MTMR9: variants seen among roughly 807,000 people sequenced by gnomAD.
MTMR9 encodes the protein myotubularin related protein 9, also known as myotubularin-related protein 9.
In MTMR9, 39 loss-of-function variants were observed where a neutral mutation model predicts 69.5. That is an observed-to-expected ratio of 0.56 (90% CI 0.43 to 0.73). MTMR9 has a LOEUF of 0.73. Among genes scored for constraint, MTMR9 ranks in the 30% least tolerant of loss-of-function variants. The pLI is 0.00. For missense variants in MTMR9, 900 were observed against 671.2 expected (o/e 1.34, Z -3.77); for synonymous variants, 354 against 240.8 (o/e 1.47, Z -4.35).
At chr8:11,313,592 A>C (rs910865950) in intron 6 of MTMR9, among the ~76,000 whole-genome samples, 1 of 152,172 alleles carries the variant, frequency 6.6e-6, no homozygotes, top group African/African-American at 2.4e-5. Context: ...CTTACAGGCC[A>C]TTGTAGGGTT....
chr8:11,331,752 C>T, downstream of MTMR9: 7 of 1,611,978 alleles, frequency 4.3e-6, no homozygotes, highest in Non-Finnish European at 5.9e-6. Flanking sequence ...TCTGCACTTT[C>T]CCTCCTGCCT....
At chr8:11,306,535 G>C (rs942457274) in intron 5 of MTMR9, 128 bp downstream of exon 5, 1 of 786,248 alleles carries the variant, frequency 1.3e-6, no homozygotes, top group African/African-American at 1.8e-5. Context: ...TGATGGGCTA[G>C]CCATCTTCTC....
At chr8:11,329,437 C>T (rs528253814), downstream of MTMR9, among the ~76,000 whole-genome samples, 1 of 152,368 alleles carries the variant, frequency 6.6e-6, no homozygotes, top group Admixed American at 6.5e-5. Flanking sequence ...CCTCAGCCTG[C>T]CGAGTGCCTG....
At chr8:11,338,582 G>A in the MTMR9 span, among the ~76,000 whole-genome samples, 1 of 152,240 alleles carries the variant, frequency 6.6e-6, no homozygotes, top group Non-Finnish European at 1.5e-5. Context: ...CTTTTCCACA[G>A]CGATCTGTGG....
rs1296327242 is a variant in MTMR9, at chr8:11,319,703, C to T, written c.1351C>T (p.Gln451Ter). Residue 451 changes from glutamine to a stop codon, truncating the protein, a stop_gained, in exon 9 of 10, where the codon CAG (glutamine) becomes TAG (stop). Transcript: ENST00000221086. LOFTEE classifies it high-confidence loss of function. Reference protein sequence around the residue: ...NESERCKLKLQQKTMSLWSWV... With the variant: ...NESERCKLKL Reference sequence around the variant, plus strand: ...CTTGATCAGATGTAAGTTGAAGCTACAGCAGAAGACGATGTCTTTGTGGTC... The same window carrying T: ...CTTGATCAGATGTAAGTTGAAGCTATAGCAGAAGACGATGTCTTTGTGGTC... The T allele has an allele frequency of 1.2e-6, 2 of 1,613,820 alleles. No individual in the cohort carries two copies. Among genetic ancestry groups the T allele is most frequent in the Admixed American group, 1.7e-5 (1 of 60,004 alleles).
chr8:11,322,547 A>G, intron 9 of MTMR9, 78 bp from the exon 10 acceptor site: 2 of 1,233,268 alleles, frequency 1.6e-6, no homozygotes, highest in Admixed American at 2.0e-5. Flanking sequence ...TACATAAATT[A>G]CATCTTATCC....
the MTMR9 span, among the ~76,000 whole-genome samples, chr8:11,336,746 C>A: frequency 1.3e-5 from 2 of 152,144 alleles, no homozygotes; most frequent in African/African-American, 4.8e-5. Flanking sequence ...CCAGTGATGC[C>A]AGCTAAACGA....
At chr8:11,328,928 A>G (rs767214006), downstream of MTMR9, among the ~76,000 whole-genome samples, 2 of 152,234 alleles carry the variant, frequency 1.3e-5, no homozygotes, top group African/African-American at 2.4e-5. Context: ...TTACATTTAG[A>G]TCTTAATCCA....
At chr8:11,287,137 A>G (rs1218783367) in intron 1 of MTMR9, among the ~76,000 whole-genome samples, 1 of 152,178 alleles carries the variant, frequency 6.6e-6, no homozygotes, top group African/African-American at 2.4e-5. Context: ...TTAATTCCAC[A>G]ACTGGAATTC....
At chr8:11,336,873 A>T in the MTMR9 span, among the ~76,000 whole-genome samples, 1,913 of 152,216 alleles carry the variant, frequency 0.013, 57 homozygotes, top group East Asian at 0.1. Context: ...TCCACTTGGG[A>T]TGGATTGCTA....
rs554570780 is a variant in MTMR9, at chr8:11,314,818, C to T, written c.972-105C>T. The T allele has an allele frequency of 1.2e-5, 13 of 1,070,938 alleles. No individual in the cohort carries two copies. The South Asian group carries it at 1.9e-4, about 16-fold the overall frequency. The allele number at this position is 1,070,938 out of a possible 1,614,324, so 66.3% of individuals were successfully genotyped here. A position where few individuals can be genotyped will look rare whatever the true frequency, so the allele number is the denominator to read the frequency against. On this transcript the variant is annotated intron_variant, in intron 6 of 9. Transcript: ENST00000221086. Reference sequence around the variant, plus strand: ...TACTCAATACACTAAATAAACTGAACTCAGTAGACTAAAATGTTGTGCTCA... The same window carrying T: ...TACTCAATACACTAAATAAACTGAATTCAGTAGACTAAAATGTTGTGCTCA...
chr8:11,329,448 C>T (rs546529128), downstream of MTMR9, among the ~76,000 whole-genome samples: 2 of 152,370 alleles, frequency 1.3e-5, no homozygotes, highest in South Asian at 4.1e-4. Context: ...CGAGTGCCTG[C>T]CATTGCAGGC....
the MTMR9 span, among the ~76,000 whole-genome samples, chr8:11,334,410 C>G: frequency 3.3e-5 from 5 of 152,064 alleles, no homozygotes; most frequent in African/African-American, 7.2e-5. Flanking sequence ...ATACGTTTTT[C>G]TATACTATTA....
rs1277031047 is a variant in MTMR9, at chr8:11,324,996, C to T, written c.*2208C>T. The T allele has an allele frequency of 6.6e-6, 1 of 152,236 alleles. No individual in the cohort carries two copies. The allele number at this position is 152,236 out of a possible 1,614,324, so 9.4% of individuals were successfully genotyped here. A position where few individuals can be genotyped will look rare whatever the true frequency, so the allele number is the denominator to read the frequency against. On this transcript the variant is annotated 3_prime_UTR_variant, in exon 10 of 10. Transcript: ENST00000221086. ...TGTACCATCAAGGTAGACCCATCTT[C>T]CTGATGCACATTTGCTGTGCGAGCC...
intron 2 of MTMR9, among the ~76,000 whole-genome samples, chr8:11,297,160 A>G (rs1261934225): frequency 2.0e-5 from 3 of 152,224 alleles, no homozygotes; most frequent in Non-Finnish European, 4.4e-5. Flanking sequence ...AAAAAATGCT[A>G]TCAGCTTAGC....
chr8:11,336,678 C>T, the MTMR9 span, among the ~76,000 whole-genome samples: 7 of 152,246 alleles, frequency 4.6e-5, no homozygotes, highest in African/African-American at 1.2e-4. Context: ...TATTTCTGCT[C>T]GACAGGTCCA....
chr8:11,307,725 T>C (rs1483545447), intron 5 of MTMR9, among the ~76,000 whole-genome samples: 2 of 152,226 alleles, frequency 1.3e-5, no homozygotes, highest in Non-Finnish European at 2.9e-5. Context: ...TCTTGTCTTT[T>C]TAGTAATAGC....
chr8:11,326,969 C>G lies in MTMR9; in HGVS notation c.*4181C>G, dbSNP rs1273687233. ...TGGGCGAAAGGGCAAGACTCCATCT[C>G]AAAAAAAAAAAAAAAAAAAGACTCA... On this transcript the variant is annotated 3_prime_UTR_variant, in exon 10 of 10. Transcript: ENST00000221086. 9.8e-6 allele frequency: 1 copy of G among 101,914 alleles called. No homozygotes were observed. Among genetic ancestry groups the G allele is most frequent in the Non-Finnish European group, 2.0e-5 (1 of 50,794 alleles). The allele number at this position is 101,914 out of a possible 1,614,324, so 6.3% of individuals were successfully genotyped here. A position where few individuals can be genotyped will look rare whatever the true frequency, so the allele number is the denominator to read the frequency against.
intron 2 of MTMR9, 54 bp from the exon 3 acceptor site, chr8:11,299,969 A>T (rs1430976899): frequency 6.3e-7 from 1 of 1,580,230 alleles, no homozygotes; most frequent in Non-Finnish European, 8.6e-7. Context: ...CAGTTAGAAT[A>T]TGTTTCCAGT....
Sources: gnomAD v4.1 joint callset for allele counts (sites outside exome capture counted in the v4.1 genomes callset) on GRCh38, gnomAD v4.1.1 for gene constraint, MANE v1.5 for transcripts, NCBI Gene and HGNC (gene_info 2026-07-23, HGNC 2026-07-21) for gene names.